The following AFF1 variants were observed in gnomAD, a reference collection of about 807,000 sequenced individuals.
AFF1 encodes the protein ALF transcription elongation factor 1.
AFF1 carries 48 observed loss-of-function variants against 121.7 expected under a neutral mutation model. The observed-to-expected ratio is 0.39, with a 90% confidence interval of 0.31 to 0.50. The LOEUF (loss-of-function observed/expected upper bound fraction) is 0.50. AFF1 is among the 20% of genes least tolerant of loss of function. AFF1 has a pLI of 0.76. For synonymous variants in AFF1, 613 were observed against 563.0 expected, an observed-to-expected ratio of 1.09 and a Z score of -1.26; for missense variants, 1,523 against 1,511.7, an observed-to-expected ratio of 1.01 and a Z score of -0.12.
rs115393943 is a variant in AFF1 at position 87,093,642 on chromosome 4, G to T, written c.1229-1273G>T. ...CCTGTGAATGGTCTGAAGAGGAGGG[G>T]CCTCTGCCCCTCTCGTTTGGAGTCT... On this transcript the variant is annotated intron_variant, in intron 7 of 20. Coordinates refer to ENST00000395146, the MANE Select transcript of AFF1 (RefSeq NM_001166693.3). Among the ~76,000 whole-genome samples, 779 of 152,264 alleles carry T rather than the reference G, an allele frequency of 5.1e-3. 8 individuals are homozygous for T. The highest frequency in any genetic ancestry group is 0.018 in the African/African-American group (730 of 41,538).
intron 13 of AFF1, among the ~76,000 whole-genome samples, chr4:87,125,723 G>A (rs1560654543): frequency 6.6e-6 from 1 of 152,208 alleles, no homozygotes; most frequent in Non-Finnish European, 1.5e-5. Flanking sequence ...GCAAAAACAA[G>A]TGCATAGTGT....
chr4:87,094,927 C>T lies in AFF1; in HGVS notation c.1241C>T (p.Thr414Ile). ...SVTQNQKQYD[T>I]SSKTHSNSQQ... The stretch of plus-strand genomic sequence containing the variant: ...CTCTCCCCCACAGAACAATATGATA[C>T]ATCTTCAAAAACTCACTCAAATTCT... Residue 414 changes from threonine (T) to isoleucine (I), a missense_variant, in exon 8 of 21, where the codon ACA (threonine) becomes ATA (isoleucine). Coordinates refer to ENST00000395146, the MANE Select transcript of AFF1 (RefSeq NM_001166693.3). 1 of 1,613,804 alleles carries T rather than the reference C, an allele frequency of 6.2e-7. No homozygotes were observed. The highest frequency in any genetic ancestry group is 1.3e-5 in the African/African-American group (1 of 75,044).
intron 2 of AFF1, among the ~76,000 whole-genome samples, chr4:86,999,075 T>G (rs752336418): frequency 6.6e-6 from 1 of 152,186 alleles, no homozygotes; most frequent in Non-Finnish European, 1.5e-5. Context: ...CTTCCCTGTT[T>G]CCCTTTCCTT....
At chr4:87,051,449 C>T (rs1241369680) in intron 4 of AFF1, among the ~76,000 whole-genome samples, 3 of 145,540 alleles carry the variant, frequency 2.1e-5, no homozygotes, top group African/African-American at 5.1e-5. Flanking sequence ...ATTCAACAAA[C>T]TGGTATTTTG....
chr4:87,107,098 G>C (rs1175846810), intron 10 of AFF1, among the ~76,000 whole-genome samples: 2 of 152,182 alleles, frequency 1.3e-5, no homozygotes, highest in Non-Finnish European at 2.9e-5. Context: ...CTGCCATGGA[G>C]ACAGGGCCAC....
At chr4:87,037,747 G>C (rs1382900423) in intron 2 of AFF1, among the ~76,000 whole-genome samples, 1 of 152,242 alleles carries the variant, frequency 6.6e-6, no homozygotes, top group East Asian at 1.9e-4. Context: ...TGACTTTTTA[G>C]TCACGTTTGC....
chr4:87,103,946 A>G (rs930194591), intron 8 of AFF1, among the ~76,000 whole-genome samples: 1 of 152,110 alleles, frequency 6.6e-6, no homozygotes, highest in Non-Finnish European at 1.5e-5. Flanking sequence ...TTCTGGTTGT[A>G]TTATACTTTA....
chr4:86,979,725 A>C (rs1723583526), intron 2 of AFF1, among the ~76,000 whole-genome samples: 1 of 152,252 alleles, frequency 6.6e-6, no homozygotes, highest in Non-Finnish European at 1.5e-5. Context: ...TCGGAGTGGC[A>C]AAAAATAAAG....
chr4:87,091,930 C>T (rs1439246585), intron 7 of AFF1, 101 bp downstream of exon 7: 1 of 766,596 alleles, frequency 1.3e-6, no homozygotes, highest in African/African-American at 1.9e-5. Flanking sequence ...AGAGATGAGG[C>T]CTTCCTATGT....
chr4:86,961,915 G>A (rs528655741), intron 2 of AFF1, among the ~76,000 whole-genome samples: 90 of 152,140 alleles, frequency 5.9e-4, no homozygotes, highest in African/African-American at 2.0e-3. Context: ...ACTGTCCCCC[G>A]CAGAGCACTT....
intron 4 of AFF1, among the ~76,000 whole-genome samples, chr4:87,079,615 A>G (rs1459334194): frequency 6.6e-6 from 1 of 152,262 alleles, no homozygotes; most frequent in African/African-American, 2.4e-5. Context: ...AGGTTTTTAG[A>G]AAACTGGTAT....
At chr4:86,970,441 C>T (rs1394615251) in intron 2 of AFF1, among the ~76,000 whole-genome samples, 1 of 152,122 alleles carries the variant, frequency 6.6e-6, no homozygotes, top group Non-Finnish European at 1.5e-5. Flanking sequence ...AAATGTTGCT[C>T]CTTTACTTAA....
chr4:87,090,293 A>T (rs1007163245), intron 6 of AFF1, among the ~76,000 whole-genome samples: 1 of 152,264 alleles, frequency 6.6e-6, no homozygotes, highest in African/African-American at 2.4e-5. Context: ...TATAAAAAGC[A>T]TTCAGGATTT....
chr4:87,016,506 T>TCA (rs769942966), intron 2 of AFF1, among the ~76,000 whole-genome samples: 53 of 149,376 alleles, frequency 3.5e-4, no homozygotes, highest in Non-Finnish European at 6.8e-4. Flanking sequence ...GAGCGGAGAT[T>TCA]GCGCCACTGC....
chr4:87,079,521 A>T (rs1722972097), intron 4 of AFF1, among the ~76,000 whole-genome samples: 1 of 152,218 alleles, frequency 6.6e-6, no homozygotes, highest in African/African-American at 2.4e-5. Flanking sequence ...AGCTCTTGAA[A>T]AAATGTTTTA....
Position 87,138,174 on chromosome 4 carries a change from G to C in AFF1, c.*2473G>C, listed in dbSNP as rs1578336754. The C allele has an allele frequency of 2.6e-5, 6 of 232,502 alleles. No homozygotes were observed. The East Asian group carries it at 3.0e-4, about 12-fold the overall frequency. The allele number at this position is 232,502 out of a possible 1,614,324, so 14.4% of individuals were successfully genotyped here. On this transcript the variant is annotated 3_prime_UTR_variant, in exon 21 of 21. Transcript: ENST00000395146. Reference sequence around the variant, plus strand: ...TGTACCTAAAGGAGAGTAACTAATGGTAACCTTTTTAATAGAGTATGTGAA... The same window carrying C: ...TGTACCTAAAGGAGAGTAACTAATGCTAACCTTTTTAATAGAGTATGTGAA...
At chr4:86,955,843 G>A (rs1721700335) in intron 2 of AFF1, among the ~76,000 whole-genome samples, 1 of 152,174 alleles carries the variant, frequency 6.6e-6, no homozygotes, top group Non-Finnish European at 1.5e-5. Flanking sequence ...CATCATATAG[G>A]ATGGAATACT....
rs1426555141 is a variant in AFF1, at chr4:86,937,300, A to G, written c.-37+2060A>G. Among the ~76,000 whole-genome samples the G allele has an allele frequency of 3.3e-5, 5 of 152,258 alleles. No homozygotes were observed. In the South Asian group the frequency reaches 6.2e-4, roughly 19 times the overall value. ...AAGATCATTTAGAGATTGAAAATTTATGACAAAAGTCCAGGCCATTGTAAA... is the reference window on the plus strand; with the variant it reads ...AAGATCATTTAGAGATTGAAAATTTGTGACAAAAGTCCAGGCCATTGTAAA... On this transcript the variant is annotated intron_variant, in intron 1 of 20. Coordinates refer to ENST00000395146, the MANE Select transcript of AFF1 (RefSeq NM_001166693.3).
chr4:87,092,010 G>T (rs1008102144), intron 7 of AFF1, among the ~76,000 whole-genome samples, 181 bp downstream of exon 7: 2 of 152,198 alleles, frequency 1.3e-5, no homozygotes, highest in Admixed American at 6.5e-5. Flanking sequence ...TTGACCAGGC[G>T]CAGTGGCTCA....
Sources: allele counts gnomAD v4.1 joint callset (sites outside exome capture counted in the v4.1 genomes callset), GRCh38; gene constraint gnomAD v4.1.1; transcripts MANE v1.5; gene names NCBI Gene and HGNC (gene_info 2026-07-23, HGNC 2026-07-21).